LARP4B: variants seen among roughly 807,000 people sequenced by gnomAD.
LARP4B encodes la-related protein 4B.
In LARP4B, 12 loss-of-function variants were observed where a neutral mutation model predicts 89.8. The ratio of observed to expected loss-of-function variants is 0.13; its 90% CI spans 0.09 to 0.22. The LOEUF is 0.22. LARP4B is among the 10% of genes least tolerant of loss of function. The pLI, the probability that LARP4B is intolerant of heterozygous loss-of-function variation, is 1.00. For missense variants in LARP4B, 757 were observed against 947.7 expected, an observed-to-expected ratio of 0.80 and a Z score of 2.64; for synonymous variants, 367 against 363.3, an observed-to-expected ratio of 1.01 and a Z score of -0.12.
intron 8 of LARP4B, among the ~76,000 whole-genome samples, chr10:833,147 A>C (rs1832994597): frequency 1.3e-5 from 2 of 150,498 alleles, no homozygotes. Context: ...CCCTAAAGAA[A>C]GGGGGTCCAA....
At chr10:976,030 G>A in the LARP4B span, among the ~76,000 whole-genome samples, 13 of 83,312 alleles carry the variant, frequency 1.6e-4, no homozygotes, top group East Asian at 9.4e-4. Context: ...TAGGCCTGTC[G>A]TGCAACGTGT....
the LARP4B span, among the ~76,000 whole-genome samples, chr10:975,298 C>T: frequency 8.5e-5 from 13 of 152,188 alleles, no homozygotes; most frequent in Non-Finnish European, 1.5e-4. Flanking sequence ...CCCGAGCACA[C>T]GTCCTGATGC....
intron 8 of LARP4B, among the ~76,000 whole-genome samples, chr10:835,402 C>A (rs1468394608): frequency 1.3e-5 from 2 of 152,156 alleles, no homozygotes; most frequent in East Asian, 1.9e-4. Flanking sequence ...GTAGCATGAA[C>A]GACGAGGCTG....
At chr10:830,037 G>C (rs1832819712) in intron 9 of LARP4B, among the ~76,000 whole-genome samples, 2 of 152,144 alleles carry the variant, frequency 1.3e-5, no homozygotes, top group Admixed American at 1.3e-4. Flanking sequence ...GGAAAATGAT[G>C]AATACTGAGT....
chr10:865,602 C>T (rs1834860998), intron 3 of LARP4B, among the ~76,000 whole-genome samples: 1 of 152,126 alleles, frequency 6.6e-6, no homozygotes, highest in African/African-American at 2.4e-5. Context: ...GGTGGTCCTT[C>T]CTGACACAGC....
intron 11 of LARP4B, 112 bp from the exon 12 acceptor site, chr10:825,982 T>C (rs1317405957): frequency 2.8e-6 from 2 of 707,988 alleles, no homozygotes; most frequent in South Asian, 1.8e-5. Flanking sequence ...GTCAGAGTCA[T>C]GACCCATGCT....
chr10:939,844 T>G, the LARP4B span, among the ~76,000 whole-genome samples: 2 of 152,222 alleles, frequency 1.3e-5, no homozygotes, highest in African/African-American at 4.8e-5. Flanking sequence ...GACTTGACTT[T>G]TTATTTTTAT....
chr10:845,112 A>G (rs1833708844), intron 5 of LARP4B, 57 bp from the exon 6 acceptor site: 2 of 1,253,586 alleles, frequency 1.6e-6, no homozygotes, highest in Admixed American at 3.6e-5. Flanking sequence ...GGAAGCAGAT[A>G]ATTCAGTACA....
downstream of LARP4B, chr10:809,151 A>T (rs1405084656): frequency 1.3e-5 from 2 of 152,260 alleles, no homozygotes; most frequent in African/African-American, 4.8e-5. Flanking sequence ...TAGTGCAGAC[A>T]TCACTGCTGC....
chr10:820,498 G>C (rs1179304278), intron 14 of LARP4B: 2 of 331,082 alleles, frequency 6.0e-6, no homozygotes, highest in East Asian at 1.1e-4. Context: ...AAGAGCTCAC[G>C]TGCACACCCG....
At chr10:888,502 A>G (rs2131944326) in intron 1 of LARP4B, among the ~76,000 whole-genome samples, 2 of 152,298 alleles carry the variant, frequency 1.3e-5, no homozygotes, top group Non-Finnish European at 2.9e-5. Context: ...ACTTCAAGCG[A>G]AAGGACGTGA....
At chr10:952,339 CAAAAAAAAAAAA>C in the LARP4B span, among the ~76,000 whole-genome samples, 2 of 16,952 alleles carry the variant, frequency 1.2e-4, no homozygotes, top group Admixed American at 1.5e-3. Context: ...GACTCCATCT[CAAAAAAAAAAAA>C]AAAAAAAAAA....
chr10:820,300 A>G (rs1193859001), intron 14 of LARP4B: 2 of 153,370 alleles, frequency 1.3e-5, no homozygotes, highest in African/African-American at 4.8e-5. Context: ...CCTATCACTT[A>G]TGTTTGGGTC....
In LARP4B at chr10:923,373, C is replaced by T. The variant is rs114414925; in HGVS notation, c.-40+8055G>A. 1.8e-3 allele frequency among the ~76,000 whole-genome samples: 267 copies of T among 152,144 alleles called. 1 individual carries two copies. Among genetic ancestry groups the T allele is most frequent in the African/African-American group, 6.1e-3 (252 of 41,502 alleles). On this transcript the variant is annotated intron_variant, in intron 1 of 17. Transcript: ENST00000316157. ...CACAGGTCTGAATCCTACCAATTAC[C>T]GCATCTTTTCCTTTGCAAACGTGAT...
At chr10:966,681 C>T in the LARP4B span, among the ~76,000 whole-genome samples, 13 of 152,352 alleles carry the variant, frequency 8.5e-5, no homozygotes, top group African/African-American at 2.2e-4. Flanking sequence ...AAAAGGCTTG[C>T]GGGAGACAGG....
chr10:964,408 C>T, the LARP4B span, among the ~76,000 whole-genome samples: 1 of 126,534 alleles, frequency 7.9e-6, no homozygotes, highest in African/African-American at 3.0e-5. Flanking sequence ...ATTTTAGTAA[C>T]ATTAGTTATA....
intron 1 of LARP4B, among the ~76,000 whole-genome samples, chr10:925,198 A>T (rs1363332597): frequency 6.6e-6 from 1 of 152,206 alleles, no homozygotes; most frequent in Non-Finnish European, 1.5e-5. Flanking sequence ...GGCTTTACAT[A>T]GAACAATGCA....
In LARP4B at chr10:814,837, C is replaced by A. The variant is rs776396938; in HGVS notation, c.1834G>T (p.Ala612Ser). ...CTGTGGGTTTCCCTCTGTTTCTCCG[C>A]CACCTTGGGATCACTGTAAAAATGC... ...PAHLPDDPKV[A>S]EKQRETHSVD... The change falls in exon 17 of 18, where the codon GCG becomes TCG. Residue 612 changes from alanine to serine, a missense_variant. This residue lies in a region of LARP4B where 387 missense variants were observed against 423.6 expected (regional missense o/e 0.91). Coordinates refer to ENST00000316157, the MANE Select transcript of LARP4B (RefSeq NM_015155.3). This position sits in a 1 kb window ranked among gnomAD's most constrained non-coding sequence, Gnocchi z 4.4. The A allele has an allele frequency of 6.3e-7, 1 of 1,594,332 alleles. No individual in the cohort carries two copies. The highest frequency in any genetic ancestry group is 8.6e-7 in the Non-Finnish European group (1 of 1,165,032).
At chr10:827,231 C>G (rs914617241) in intron 11 of LARP4B, among the ~76,000 whole-genome samples, 2 of 151,900 alleles carry the variant, frequency 1.3e-5, no homozygotes, top group Admixed American at 1.3e-4. Context: ...AGCCAAGATC[C>G]GGCCACTGCA....
Sources: gnomAD v4.1 joint callset for allele counts (sites outside exome capture counted in the v4.1 genomes callset) on GRCh38, gnomAD v4.1.1 for gene constraint, gnomAD v4.1.1 regional missense constraint, Gnocchi (gnomAD v3.1) non-coding constraint, MANE v1.5 for transcripts, NCBI Gene and HGNC (gene_info 2026-07-23, HGNC 2026-07-21) for gene names.